Variants in ARHGAP18 observed in about 807,000 individuals in gnomAD.
The protein encoded by ARHGAP18 is rho GTPase-activating protein 18.
A neutral mutation model predicts 86.2 loss-of-function variants in ARHGAP18; 67 were observed. The ratio of observed to expected loss-of-function variants is 0.78; its 90% CI spans 0.64 to 0.95. ARHGAP18 has a LOEUF of 0.95. Among genes scored for constraint, ARHGAP18 ranks in the 40% least tolerant of loss-of-function variants. The pLI, the probability that ARHGAP18 is intolerant of heterozygous loss-of-function variation, is 0.00. For synonymous variants in ARHGAP18, 283 were observed against 280.4 expected, an observed-to-expected ratio of 1.01 and a Z score of -0.09; for missense variants, 691 against 780.4, an observed-to-expected ratio of 0.89 and a Z score of 1.37.
At chr6:129,595,992 C>T (rs1391141557) in intron 12 of ARHGAP18, among the ~76,000 whole-genome samples, 1 of 152,132 alleles carries the variant, frequency 6.6e-6, no homozygotes, top group African/African-American at 2.4e-5. Context: ...GATGCTGATA[C>T]CCTGGTCTGA....
Position 129,638,528 on chromosome 6 carries a change from A to G in ARHGAP18, c.418T>C (p.Leu140=). 1 of 1,614,142 alleles carries G rather than the reference A, an allele frequency of 6.2e-7. No individual in the cohort carries two copies. The highest frequency in any genetic ancestry group is 8.5e-7 in the Non-Finnish European group (1 of 1,180,026). ...PQESIVFLST[L]TRTQAAAVQK... ...ACTGCTGCTGCCTGGGTCCGCGTCA[A>G]TGTTGATAAAAACACAATGCTTTCC... The change falls in exon 3 of 15, where the codon TTG becomes CTG. Residue 140 remains leucine, a synonymous_variant. Coordinates refer to ENST00000368149, the MANE Select transcript of ARHGAP18 (RefSeq NM_033515.3).
chr6:129,618,081 T>C (rs1207624744), intron 6 of ARHGAP18, among the ~76,000 whole-genome samples: 1 of 150,294 alleles, frequency 6.7e-6, no homozygotes, highest in African/African-American at 2.5e-5. Flanking sequence ...ACTGTTTATT[T>C]AATGGGTAAA....
chr6:129,629,580 ATT>A, intron 4 of ARHGAP18, 58 bp from the exon 5 acceptor site: 4 of 1,518,094 alleles, frequency 2.6e-6, no homozygotes, highest in Non-Finnish European at 3.5e-6. Flanking sequence ...TTTAAAAAAA[ATT>A]CTAATGCATT....
At chr6:129,698,450 C>A (rs1048009269) in intron 1 of ARHGAP18, among the ~76,000 whole-genome samples, 2 of 151,950 alleles carry the variant, frequency 1.3e-5, no homozygotes, top group Non-Finnish European at 1.5e-5. Flanking sequence ...AGCCAAACCA[C>A]CAAAATTTCA....
intron 10 of ARHGAP18, 122 bp from the exon 11 acceptor site, chr6:129,600,970 A>C: frequency 1.3e-6 from 1 of 787,938 alleles, no homozygotes; most frequent in Non-Finnish European, 2.0e-6. Context: ...CAGTCAACTA[A>C]TCACATCCAG....
chr6:129,652,757 A>G (rs892114161), intron 1 of ARHGAP18, among the ~76,000 whole-genome samples: 2 of 152,194 alleles, frequency 1.3e-5, no homozygotes, highest in Non-Finnish European at 2.9e-5. Flanking sequence ...ATAAATTATA[A>G]TGCTCTGATA....
At chr6:129,621,779 T>C (rs1036571114) in intron 5 of ARHGAP18, among the ~76,000 whole-genome samples, 16 of 152,188 alleles carry the variant, frequency 1.1e-4, no homozygotes, top group Admixed American at 7.9e-4. Context: ...ATAATTATCT[T>C]ATCGAAAAAC....
chr6:129,685,352 C>A lies in ARHGAP18; in HGVS notation c.113+24672G>T, dbSNP rs368216334. Among the ~76,000 whole-genome samples the A allele has an allele frequency of 6.4e-4, 96 of 149,300 alleles. 4 individuals are homozygous for A. The South Asian group carries it at 0.02, about 31-fold the overall frequency. Reference sequence around the variant, plus strand: ...TAAAAACTCATCTCTACTAAAAATGCAAAAATTAGCCAGGCATGGTGGCAG... The same window carrying A: ...TAAAAACTCATCTCTACTAAAAATGAAAAAATTAGCCAGGCATGGTGGCAG... On this transcript the variant is annotated intron_variant, in intron 1 of 14. Transcript: ENST00000368149.
chr6:129,600,658 T>C lies in ARHGAP18; in HGVS notation c.1556A>G (p.Gln519Arg), dbSNP rs1788718117. The stretch of plus-strand genomic sequence containing the variant: ...TATACTTACTGTCCACAGAAGTTTT[T>C]GGTACTTAATCAATAAGTGCATGGT... ...ANTMHLLIKYQKLLWTIPKFI... is the reference protein window; with the variant it reads ...ANTMHLLIKYRKLLWTIPKFI... Residue 519 changes from glutamine (Q) to arginine (R), a missense_variant, in exon 11 of 15, where the codon CAA (glutamine) becomes CGA (arginine). Physicochemically the swap from Gln to Arg is conservative, Grantham distance 43. Transcript: ENST00000368149. 6.2e-7 allele frequency: 1 copy of C among 1,613,348 alleles called. No homozygotes were observed. The highest frequency in any genetic ancestry group is 1.3e-5 in the African/African-American group (1 of 75,034).
intron 1 of ARHGAP18, among the ~76,000 whole-genome samples, chr6:129,699,059 G>C (rs1053800678): frequency 2.6e-5 from 4 of 151,760 alleles, no homozygotes; most frequent in African/African-American, 7.3e-5. Context: ...GGCTGGTCTC[G>C]AACTCCTGAC....
chr6:129,634,847 A>G lies in ARHGAP18; in HGVS notation c.553-742T>C, dbSNP rs17335557. ...ATCTCAATCATGCTGTTATAAAACT[A>G]TAAAAGTACATGTCCCTAATAAAAC... On this transcript the variant is annotated intron_variant, in intron 3 of 14. Transcript: ENST00000368149. 8.1e-3 allele frequency among the ~76,000 whole-genome samples: 1,232 copies of G among 152,200 alleles called. 16 individuals are homozygous for G. The highest frequency in any genetic ancestry group is 0.028 in the African/African-American group (1,168 of 41,522).
In ARHGAP18 at chr6:129,607,930, G is replaced by C; in HGVS notation, c.1245C>G (p.Leu415=). The C allele has an allele frequency of 6.2e-7, 1 of 1,613,688 alleles. No individual in the cohort carries two copies. Among genetic ancestry groups the C allele is most frequent in the Non-Finnish European group, 8.5e-7 (1 of 1,179,806 alleles). ...GAAAGGCTTTGAGATACTCCACACT[G>C]AGCAGTGGCTGGGGCAACTCCCGAA... The part of the protein sequence containing the change: ...LFIRELPQPL[L]SVEYLKAFQA... The change falls in exon 9 of 15, where the codon CTC becomes CTG. Residue 415 remains leucine (L), a synonymous_variant. Transcript: ENST00000368149.
intron 1 of ARHGAP18, among the ~76,000 whole-genome samples, chr6:129,685,463 C>T (rs1774407622): frequency 6.6e-6 from 1 of 151,778 alleles, no homozygotes; most frequent in Admixed American, 6.6e-5. Flanking sequence ...GCTGAGATCA[C>T]ACCACTGCAC....
At position 129,578,540 on chromosome 6, in the gene ARHGAP18, C is replaced by CT. The variant is rs1369227295; in HGVS notation, c.1964dup (p.Trp656ValfsTer17). On this transcript the variant is annotated frameshift_variant, in exon 15 of 15. Transcript: ENST00000368149. LOFTEE classifies it high-confidence loss of function. ...ACAATGGCTTTGACTTTATAACCCA[C>CT]TCAGCATTTGGGTTAAGCTGATATA... 5 of 1,612,102 alleles carry CT rather than the reference C, an allele frequency of 3.1e-6. No homozygotes were observed.
chr6:129,613,465 T>C (rs1239589533), intron 7 of ARHGAP18, among the ~76,000 whole-genome samples: 8 of 152,172 alleles, frequency 5.3e-5, no homozygotes, highest in Non-Finnish European at 1.2e-4. Flanking sequence ...TCTAGTCCTA[T>C]TAACAAAAAG....
At chr6:129,619,878 C>T (rs1432822818) in intron 5 of ARHGAP18, among the ~76,000 whole-genome samples, 1 of 151,804 alleles carries the variant, frequency 6.6e-6, no homozygotes, top group Non-Finnish European at 1.5e-5. Flanking sequence ...TACCAGTCAC[C>T]TATCTACTTA....
chr6:129,605,782 T>G, intron 10 of ARHGAP18, 95 bp downstream of exon 10: 1 of 1,120,408 alleles, frequency 8.9e-7, no homozygotes, highest in Non-Finnish European at 1.3e-6. Flanking sequence ...TTTATGACCA[T>G]GTCCAAGATA....
At chr6:129,623,388 C>A (rs909558441) in intron 5 of ARHGAP18, among the ~76,000 whole-genome samples, 6 of 152,096 alleles carry the variant, frequency 3.9e-5, no homozygotes, top group African/African-American at 1.4e-4. Flanking sequence ...AACATGTATA[C>A]ACTAAGTAGC....
intron 1 of ARHGAP18, among the ~76,000 whole-genome samples, chr6:129,670,471 A>G (rs1774122907): frequency 6.6e-6 from 1 of 152,240 alleles, no homozygotes; most frequent in Non-Finnish European, 1.5e-5. Flanking sequence ...AAGGAAGATC[A>G]CATATCACAG....
Sources: allele counts gnomAD v4.1 joint callset (sites outside exome capture counted in the v4.1 genomes callset), GRCh38; gene constraint gnomAD v4.1.1; transcripts MANE v1.5; gene names NCBI Gene and HGNC (gene_info 2026-07-23, HGNC 2026-07-21).